Variants in RFWD3 observed in about 807,000 individuals in gnomAD.
The protein encoded by RFWD3 is E3 ubiquitin-protein ligase RFWD3.
Under a neutral mutation model 87.7 loss-of-function variants are expected in RFWD3, and 65 were observed. The observed-to-expected ratio is 0.74, with a 90% CI of 0.61 to 0.91. The LOEUF (loss-of-function observed/expected upper bound fraction) is 0.91, where lower values mean the gene tolerates loss of function less well. RFWD3 is among the 40% of genes least tolerant of loss of function. The probability of loss-of-function intolerance (pLI) is 0.00; values close to 1 mark genes in which losing one functional copy is unlikely to be tolerated. For missense variants in RFWD3, 1,078 were observed against 938.5 expected, an observed-to-expected ratio of 1.15 and a Z score of -1.94; for synonymous variants, 433 against 352.8, an observed-to-expected ratio of 1.23 and a Z score of -2.55.
Position 74,661,143 on chromosome 16 carries a change from T to C in RFWD3, c.307A>G (p.Arg103Gly), listed in dbSNP as rs377173129. 7 of 1,614,210 alleles carry C rather than the reference T, an allele frequency of 4.3e-6. No individual in the cohort carries two copies. Among genetic ancestry groups the C allele is most frequent in the Non-Finnish European group, 5.1e-6 (6 of 1,180,032 alleles). ...GTGTGATTACCATCAGATCCCTGCC[T>C]ATGTTGTTCTGAAGTTCTTGGATTG... ...NINPRTSEQH[R>G]QGSDGNHTIP... The change falls in exon 2 of 13, where the codon AGG becomes GGG. Residue 103 changes from arginine (R) to glycine (G), a missense_variant. Transcript: ENST00000361070.
intron 10 of RFWD3, among the ~76,000 whole-genome samples, chr16:74,630,144 G>A (rs563402590): frequency 2.0e-4 from 31 of 152,132 alleles, no homozygotes; most frequent in South Asian, 1.2e-3. Context: ...TGCCCAGACT[G>A]GAGTGCAACG....
intron 3 of RFWD3, among the ~76,000 whole-genome samples, chr16:74,651,295 G>T (rs763223728): frequency 5.9e-5 from 9 of 152,144 alleles, no homozygotes; most frequent in Non-Finnish European, 1.3e-4. Context: ...CCTAGACAGG[G>T]TGCTGAATTT....
chr16:74,625,779 G>C (rs1958915008), intron 12 of RFWD3, among the ~76,000 whole-genome samples: 2 of 152,188 alleles, frequency 1.3e-5, no homozygotes, highest in South Asian at 4.1e-4. Context: ...TATTTAACTT[G>C]ATTAAAATTA....
intron 6 of RFWD3, among the ~76,000 whole-genome samples, chr16:74,638,851 G>A (rs929133179): frequency 6.6e-6 from 1 of 152,160 alleles, no homozygotes; most frequent in South Asian, 2.1e-4. Context: ...ATTTCGTCAT[G>A]TAAACATTAC....
At chr16:74,662,906 T>G (rs1364830852) in intron 1 of RFWD3, among the ~76,000 whole-genome samples, 1 of 146,774 alleles carries the variant, frequency 6.8e-6, no homozygotes, top group African/African-American at 2.7e-5. Flanking sequence ...TGGTCATGCT[T>G]CTTTTTTTTT....
At chr16:74,647,266 G>A (rs1207264159) in intron 4 of RFWD3, among the ~76,000 whole-genome samples, 1 of 152,034 alleles carries the variant, frequency 6.6e-6, no homozygotes, top group East Asian at 1.9e-4. Flanking sequence ...TACTCATACT[G>A]AGGACAATGA....
chr16:74,662,138 TAAA>T (rs760335502), intron 1 of RFWD3, among the ~76,000 whole-genome samples: 13 of 147,990 alleles, frequency 8.8e-5, no homozygotes, highest in African/African-American at 3.0e-4. Context: ...GTTTTTAAAC[TAAA>T]AAAAAAAATT....
chr16:74,637,290 A>C (rs1176211752), intron 7 of RFWD3, among the ~76,000 whole-genome samples: 2 of 152,074 alleles, frequency 1.3e-5, no homozygotes, highest in Non-Finnish European at 2.9e-5. Flanking sequence ...AAATTACTTA[A>C]ACAAGTTTGG....
In RFWD3 at chr16:74,623,728, T is replaced by C; in HGVS notation, c.*200A>G. The C allele has an allele frequency of 1.9e-6, 1 of 527,942 alleles. No individual in the cohort carries two copies. The highest frequency in any genetic ancestry group is 3.2e-5 in the East Asian group (1 of 31,528). The allele number at this position is 527,942 out of a possible 1,614,324, so 32.7% of individuals were successfully genotyped here. On this transcript the variant is annotated 3_prime_UTR_variant, in exon 13 of 13. Coordinates refer to ENST00000361070, the MANE Select transcript of RFWD3 (RefSeq NM_018124.4). ...ATAATGTAGATAAAGTACCCATCAA[T>C]TACTCTTTTAGTGGACATAACAGAT...
chr16:74,626,734 C>A (rs1958948617), intron 11 of RFWD3, among the ~76,000 whole-genome samples, 180 bp from the exon 12 acceptor site: 1 of 152,082 alleles, frequency 6.6e-6, no homozygotes, highest in Non-Finnish European at 1.5e-5. Context: ...AAATTTAGAA[C>A]CGTAGGCTAG....
At position 74,636,552 on chromosome 16, in the gene RFWD3, T is replaced by C. The variant is rs566050457; in HGVS notation, c.1220A>G (p.Gln407Arg). ...VQDLQKLTSH[Q>R]SQNLQQPRGS... ...CCTGGGTTGCTGTAAATTCTGACTT[T>C]GATGTGACGTAAGTTTTTGCAAGTC... The change falls in exon 8 of 13, where the codon CAA becomes CGA. Residue 407 changes from glutamine to arginine, a missense_variant. Transcript: ENST00000361070. 34 of 1,613,732 alleles carry C rather than the reference T, an allele frequency of 2.1e-5. No individual in the cohort carries two copies. The highest frequency in any genetic ancestry group is 2.8e-5 in the Non-Finnish European group (33 of 1,180,002).
In RFWD3 at chr16:74,666,819, C is replaced by CCCGCCGAATACTCGGTAGTTACCT. The variant is rs1961968235; in HGVS notation, c.-37_-36insAGGTAACTACCGAGTATTCGGCGG. ...AGCAGGCCGCGGCCGGGCTCGCGAG[C>CCCGCCGAATACTCGGTAGTTACCT]CCGCCGAAGACTCGGTAGTTACCTC... On this transcript the variant is annotated 5_prime_UTR_variant, in exon 1 of 13. Transcript: ENST00000361070. 5.6e-5 allele frequency: 2 copies of CCCGCCGAATACTCGGTAGTTACCT among 35,436 alleles called. No individual in the cohort carries two copies. The highest frequency in any genetic ancestry group is 1.0e-4 in the Non-Finnish European group (2 of 19,450). The allele number at this position is 35,436 out of a possible 1,614,324, so 2.2% of individuals were successfully genotyped here.
At chr16:74,643,669 GTTTTTTTTTT>G (rs35397997) in intron 6 of RFWD3, among the ~76,000 whole-genome samples, 1 of 105,054 alleles carries the variant, frequency 9.5e-6, no homozygotes, top group African/African-American at 3.9e-5. Context: ...ACTAGCAACT[GTTTTTTTTTT>G]TTTTTTTTTT....
In RFWD3 at chr16:74,637,912, G is replaced by C; in HGVS notation, c.1138C>G (p.Arg380Gly). The C allele has an allele frequency of 6.2e-7, 1 of 1,612,710 alleles. No individual in the cohort carries two copies. The highest frequency in any genetic ancestry group is 8.5e-7 in the Non-Finnish European group (1 of 1,179,778). ...TCAGTGAGGACCTGCAGTTGGAGTC[G>C]GCACTGTGCTGATTCTAACTCGGCC... ...KQAELESAQC[R>G]LQLQVLTDKC... is the part of the protein sequence containing the mutation. The change falls in exon 7 of 13, where the codon CGA becomes GGA. Residue 380 changes from arginine to glycine, a missense_variant. Arg to Gly is a moderately radical substitution (Grantham distance 125, BLOSUM62 -2). Transcript: ENST00000361070.
intron 7 of RFWD3, 54 bp from the exon 8 acceptor site, chr16:74,636,631 C>T (rs1959203076): frequency 7.9e-7 from 1 of 1,260,976 alleles, no homozygotes; most frequent in Non-Finnish European, 1.1e-6. Flanking sequence ...ATATTCCCCT[C>T]AAATACAATT....
chr16:74,661,260 G>C lies in RFWD3; in HGVS notation c.190C>G (p.Gln64Glu), dbSNP rs373065914. ...GGCTGGAGCAGGGGTGGTGTCGCTT[G>C]GCTGCTGATCACCTCAGCAGGAGCT... ...QPAPAEVISS[Q>E]ATPPLLQPAP... The change falls in exon 2 of 13, where the codon CAA becomes GAA. Residue 64 changes from glutamine (Q) to glutamate (E), a missense_variant. Gln to Glu is a conservative substitution (Grantham distance 29, BLOSUM62 2). Coordinates refer to ENST00000361070, the MANE Select transcript of RFWD3 (RefSeq NM_018124.4). The C allele has an allele frequency of 1.7e-5, 27 of 1,614,060 alleles. No homozygotes were observed. In the African/African-American group the frequency reaches 3.3e-4, roughly 20 times the overall value.
chr16:74,657,559 T>C (rs113507850), intron 2 of RFWD3, among the ~76,000 whole-genome samples: 10,691 of 148,898 alleles, frequency 0.072, 669 homozygotes, highest in Admixed American at 0.2. Flanking sequence ...CACTGCAACA[T>C]CCACCTCCCG....
intron 1 of RFWD3, 54 bp from the exon 2 acceptor site, chr16:74,661,505 G>A: frequency 7.3e-7 from 1 of 1,373,184 alleles, no homozygotes; most frequent in Non-Finnish European, 9.9e-7. Flanking sequence ...AACATGCTAT[G>A]TAGGTGACAG....
intron 4 of RFWD3, among the ~76,000 whole-genome samples, chr16:74,647,265 T>C (rs942516598): frequency 6.6e-6 from 1 of 152,098 alleles, no homozygotes; most frequent in African/African-American, 2.4e-5. Flanking sequence ...TTACTCATAC[T>C]GAGGACAATG....
Sources: allele counts gnomAD v4.1 joint callset (sites outside exome capture counted in the v4.1 genomes callset), GRCh38; gene constraint gnomAD v4.1.1; transcripts MANE v1.5; gene names NCBI Gene and HGNC (gene_info 2026-07-23, HGNC 2026-07-21).